Variants in RARB observed in about 807,000 individuals in gnomAD.
RARB encodes the protein retinoic acid receptor beta.
A neutral mutation model predicts 51.9 loss-of-function variants in RARB; 17 were observed. The ratio of observed to expected loss-of-function variants is 0.33; its 90% CI spans 0.22 to 0.49. The LOEUF is 0.49. Ranked by LOEUF, RARB falls within the 20% of genes least tolerant of loss-of-function variation. RARB has a pLI of 0.99. For missense variants in RARB, 369 were observed against 550.8 expected, an observed-to-expected ratio of 0.67 and a Z score of 3.30; for synonymous variants, 215 against 195.4, an observed-to-expected ratio of 1.10 and a Z score of -0.84.
chr3:25,219,103 C>G (rs1237536361), intron 5 of RARB, among the ~76,000 whole-genome samples: 1 of 152,132 alleles, frequency 6.6e-6, no homozygotes, highest in Non-Finnish European at 1.5e-5. Context: ...GCTCTGTGCC[C>G]TCATTCATGG....
At chr3:25,228,560 C>G (rs1203709888) in intron 5 of RARB, among the ~76,000 whole-genome samples, 1 of 151,910 alleles carries the variant, frequency 6.6e-6, no homozygotes, top group African/African-American at 2.4e-5. Flanking sequence ...ATATTTTCTT[C>G]CATTTTTTTA....
intron 2 of RARB, among the ~76,000 whole-genome samples, chr3:24,948,254 A>G (rs751374981): frequency 2.6e-4 from 39 of 152,182 alleles, no homozygotes; most frequent in Non-Finnish European, 4.0e-4. Flanking sequence ...GCCCATGGTG[A>G]TGGAAAAAGT....
At chr3:24,978,916 G>A (rs963539146) in intron 2 of RARB, among the ~76,000 whole-genome samples, 5 of 152,102 alleles carry the variant, frequency 3.3e-5, no homozygotes, top group African/African-American at 1.2e-4. Context: ...TCTACACACT[G>A]CTTTAAATGT....
intron 2 of RARB, among the ~76,000 whole-genome samples, chr3:25,046,363 A>G (rs1698216097): frequency 6.6e-6 from 1 of 152,226 alleles, no homozygotes; most frequent in African/African-American, 2.4e-5. Flanking sequence ...TCATAGAGCA[A>G]TTTTAAGATC....
intron 5 of RARB, among the ~76,000 whole-genome samples, chr3:25,225,309 G>GAA (rs1489728355): frequency 3.3e-5 from 5 of 152,016 alleles, no homozygotes; most frequent in Non-Finnish European, 7.4e-5. Context: ...GGCCTTCTGA[G>GAA]AGGAGAGGCA....
chr3:25,445,468 C>A (rs1018704863), intron 1 of RARB, among the ~76,000 whole-genome samples: 1 of 152,014 alleles, frequency 6.6e-6, no homozygotes, highest in Non-Finnish European at 1.5e-5. Flanking sequence ...AGTTCAAGAC[C>A]AGCCTGGCCA....
chr3:25,474,084 A>G (rs753962205), intron 2 of RARB, among the ~76,000 whole-genome samples: 36 of 152,170 alleles, frequency 2.4e-4, no homozygotes, highest in Non-Finnish European at 5.0e-4. Flanking sequence ...ATGGTTAAAC[A>G]AATTTGGAGA....
At chr3:25,585,648 C>T (rs1701354337) in intron 5 of RARB, among the ~76,000 whole-genome samples, 1 of 152,204 alleles carries the variant, frequency 6.6e-6, no homozygotes, top group East Asian at 1.9e-4. Flanking sequence ...GTGGTGCAAC[C>T]AGGCCACTCA....
At chr3:25,578,693 G>A (rs929760955) in intron 4 of RARB, among the ~76,000 whole-genome samples, 2 of 152,224 alleles carry the variant, frequency 1.3e-5, no homozygotes, top group Non-Finnish European at 2.9e-5. Flanking sequence ...TCTGGAGGAT[G>A]CATGTCTACT....
At chr3:25,258,946 A>G (rs1263064997) in intron 5 of RARB, 1 of 761,736 alleles carries the variant, frequency 1.3e-6, no homozygotes, top group African/African-American at 1.9e-5. Flanking sequence ...CTAACTTTCA[A>G]CACCACCACA....
intron 2 of RARB, among the ~76,000 whole-genome samples, chr3:24,938,493 G>T (rs1695591452): frequency 6.6e-6 from 1 of 152,096 alleles, no homozygotes; most frequent in Non-Finnish European, 1.5e-5. Context: ...TTTACAGACA[G>T]GTTCATTTTC....
At position 25,419,147 on chromosome 3, in the gene RARB, C is replaced by T. The variant is rs543682149; in HGVS notation, c.179-42046C>T. On this transcript the variant is annotated intron_variant, in intron 5 of 11. Transcript: ENST00000383772. ...ATAAGCTGGGGGGAATTTAGCAAGGCCTATCTATTTAGGTGGTGCTCTGTG... is the reference window on the plus strand; with the variant it reads ...ATAAGCTGGGGGGAATTTAGCAAGGTCTATCTATTTAGGTGGTGCTCTGTG... 4.6e-5 allele frequency among the ~76,000 whole-genome samples: 7 copies of T among 151,932 alleles called. 1 individual carries two copies. In the South Asian group the frequency reaches 1.5e-3, roughly 32 times the overall value.
intron 2 of RARB, among the ~76,000 whole-genome samples, chr3:24,915,422 C>T (rs532567403): frequency 6.6e-6 from 1 of 151,994 alleles, no homozygotes; most frequent in Non-Finnish European, 1.5e-5. Flanking sequence ...TTTACACTTA[C>T]AGTATATCTC....
At chr3:25,504,192 T>C (rs954521372) in intron 3 of RARB, among the ~76,000 whole-genome samples, 5 of 152,220 alleles carry the variant, frequency 3.3e-5, no homozygotes, top group African/African-American at 1.2e-4. Context: ...AGGCACATGT[T>C]TGTTTTTGGG....
chr3:24,933,360 T>C (rs1325308446), intron 2 of RARB, among the ~76,000 whole-genome samples: 2 of 152,076 alleles, frequency 1.3e-5, no homozygotes, highest in Admixed American at 1.3e-4. Flanking sequence ...TTCTATACTG[T>C]TTTTCTAAGC....
intron 6 of RARB, 134 bp from the exon 7 acceptor site, chr3:25,594,386 A>G (rs1034360037): frequency 7.1e-6 from 7 of 991,814 alleles, no homozygotes; most frequent in South Asian, 4.2e-5. Flanking sequence ...AAGCAACTGC[A>G]TAAGTCTGCA....
At chr3:24,941,913 C>T (rs575650637) in intron 2 of RARB, among the ~76,000 whole-genome samples, 28 of 152,352 alleles carry the variant, frequency 1.8e-4, no homozygotes, top group African/African-American at 6.5e-4. Context: ...GTTCTCTTCT[C>T]ACCTCATCAG....
chr3:25,408,712 G>C (rs1454862365), intron 5 of RARB, among the ~76,000 whole-genome samples: 1 of 152,126 alleles, frequency 6.6e-6, no homozygotes, highest in African/African-American at 2.4e-5. Context: ...AGCAACAACA[G>C]TGTATATGCC....
intron 5 of RARB, among the ~76,000 whole-genome samples, chr3:25,332,436 C>T (rs1295377654): frequency 1.3e-5 from 2 of 152,204 alleles, no homozygotes; most frequent in African/African-American, 4.8e-5. Flanking sequence ...ACATGATTAT[C>T]TCAATAGATG....
Sources: allele counts gnomAD v4.1 joint callset (sites outside exome capture counted in the v4.1 genomes callset), GRCh38; gene constraint gnomAD v4.1.1; transcripts MANE v1.5; gene names NCBI Gene and HGNC (gene_info 2026-07-23, HGNC 2026-07-21).